Variants in LEF1 observed in about 807,000 individuals in gnomAD.
LEF1 encodes the protein lymphoid enhancer binding factor 1.
LEF1 carries 14 observed loss-of-function variants against 51.2 expected under a neutral mutation model. The observed-to-expected ratio is 0.27, with a 90% CI of 0.18 to 0.43. The LOEUF (loss-of-function observed/expected upper bound fraction) is 0.43, where lower values mean the gene tolerates loss of function less well. LEF1 is among the 20% of genes least tolerant of loss of function. The pLI is 1.00. For synonymous variants in LEF1, 185 were observed against 183.2 expected (o/e 1.01, Z -0.08); for missense variants, 386 against 512.0 (o/e 0.75, Z 2.37).
Position 108,064,350 on chromosome 4 carries a change from T to C in LEF1, c.1151A>G (p.Gln384Arg), listed in dbSNP as rs1737909236. 6.2e-7 allele frequency: 1 copy of C among 1,612,232 alleles called. No homozygotes were observed. The highest frequency in any genetic ancestry group is 1.3e-5 in the African/African-American group (1 of 75,024). The stretch of plus-strand genomic sequence containing the variant: ...ATGGTGCCTACCTGATGCAGATTCC[T>C]GTAGTTTCTCTCTCTTCCTCTTCTT... ...KKKKRKREKLQESASGTGPRM... is the reference protein window; with the variant it reads ...KKKKRKREKLRESASGTGPRM... The change falls in exon 10 of 12, where the codon CAG becomes CGG. Residue 384 changes from glutamine to arginine, a missense_variant. Coordinates refer to ENST00000265165, the MANE Select transcript of LEF1 (RefSeq NM_016269.5).
chr4:108,108,852 T>A (rs537483430), intron 3 of LEF1, among the ~76,000 whole-genome samples: 1 of 152,348 alleles, frequency 6.6e-6, no homozygotes, highest in South Asian at 2.1e-4. Context: ...TCTTACCCTC[T>A]TAATTACATT....
intron 3 of LEF1, among the ~76,000 whole-genome samples, chr4:108,134,732 C>T (rs945806186): frequency 3.3e-5 from 5 of 152,176 alleles, no homozygotes; most frequent in African/African-American, 9.7e-5. Flanking sequence ...GAGGTAACAT[C>T]GTTTTATACA....
intron 3 of LEF1, among the ~76,000 whole-genome samples, chr4:108,094,824 T>A (rs1740274492): frequency 6.6e-6 from 1 of 152,210 alleles, no homozygotes; most frequent in African/African-American, 2.4e-5. Context: ...CCTTGATTGT[T>A]ATGGTGGCAT....
chr4:108,097,371 G>A (rs1045829805), intron 3 of LEF1, among the ~76,000 whole-genome samples: 3 of 152,208 alleles, frequency 2.0e-5, no homozygotes, highest in Admixed American at 6.5e-5. Flanking sequence ...ACTCATTTGT[G>A]AGAGCTAAAA....
intron 3 of LEF1, among the ~76,000 whole-genome samples, chr4:108,161,100 C>T (rs1745026747): frequency 6.6e-6 from 1 of 152,126 alleles, no homozygotes; most frequent in African/African-American, 2.4e-5. Flanking sequence ...AACACTCAGC[C>T]CTGCTAAGGA....
chr4:108,104,594 C>T (rs1741035050), intron 3 of LEF1: 1 of 697,446 alleles, frequency 1.4e-6, no homozygotes, highest in East Asian at 1.3e-4. Context: ...TGCTATATAA[C>T]CAGTGTCCAA....
rs749582963 is a variant in LEF1, at chr4:108,163,659, T to C, written c.323A>G (p.Tyr108Cys). 1 of 1,613,834 alleles carries C rather than the reference T, an allele frequency of 6.2e-7. No homozygotes were observed. The highest frequency in any genetic ancestry group is 1.1e-5 in the South Asian group (1 of 91,054). ...DGGLYNKGPS[Y>C]SSYSGYIMMP... ...CATTATGTACCCGGAATAACTCGAG[T>C]AGGAGGGTCCCTTGTTGTAGAGGCC... Residue 108 changes from tyrosine (Y) to cysteine (C), a missense_variant, in exon 3 of 12, where the codon TAC becomes TGC. Transcript: ENST00000265165.
intron 3 of LEF1, among the ~76,000 whole-genome samples, chr4:108,103,197 C>T (rs913982758): frequency 1.3e-5 from 2 of 152,196 alleles, no homozygotes; most frequent in Non-Finnish European, 2.9e-5. Context: ...ACTATGGAAC[C>T]TTCGCCTTCC....
intron 3 of LEF1, among the ~76,000 whole-genome samples, chr4:108,143,534 T>C (rs1743802461): frequency 6.6e-6 from 1 of 152,208 alleles, no homozygotes; most frequent in Non-Finnish European, 1.5e-5. Flanking sequence ...CAAAAAAACA[T>C]TTCTTTTGTG....
intron 9 of LEF1, among the ~76,000 whole-genome samples, chr4:108,069,398 C>T (rs1376022559): frequency 6.6e-6 from 1 of 152,162 alleles, no homozygotes; most frequent in Non-Finnish European, 1.5e-5. Context: ...ATCAAGACTA[C>T]ATAAGTGAGA....
chr4:108,095,787 G>C (rs1200786051), intron 3 of LEF1, among the ~76,000 whole-genome samples: 1 of 152,168 alleles, frequency 6.6e-6, no homozygotes, highest in African/African-American at 2.4e-5. Context: ...TATCGAGAAG[G>C]AAACAAGGCT....
At chr4:108,104,662 A>G (rs1741042152) in intron 3 of LEF1, 1 of 983,842 alleles carries the variant, frequency 1.0e-6, no homozygotes. Flanking sequence ...CACCCAAACT[A>G]TCGTATGAAG....
intron 1 of LEF1, chr4:108,166,244 C>T (rs775226592): frequency 2.6e-6 from 4 of 1,534,762 alleles, no homozygotes; most frequent in East Asian, 4.9e-5. Flanking sequence ...TGAACGCAGG[C>T]CCCCAGCCTT....
chr4:108,163,237 A>G (rs1745171286), intron 3 of LEF1, among the ~76,000 whole-genome samples: 1 of 152,224 alleles, frequency 6.6e-6, no homozygotes, highest in African/African-American at 2.4e-5. Flanking sequence ...ACTTAGCTGA[A>G]AAAGTAAATC....
chr4:108,079,700 C>G, intron 6 of LEF1, 86 bp from the exon 7 acceptor site: 3 of 1,379,568 alleles, frequency 2.2e-6, no homozygotes, highest in Non-Finnish European at 3.1e-6. Context: ...CCACTAACTG[C>G]TACTGGCTAA....
intron 1 of LEF1, chr4:108,166,645 C>A: frequency 9.7e-7 from 1 of 1,033,220 alleles, no homozygotes; most frequent in Non-Finnish European, 1.2e-6. Flanking sequence ...TCTATTTACT[C>A]TACTCAGGTT....
At chr4:108,107,918 G>C (rs1462335700) in intron 3 of LEF1, among the ~76,000 whole-genome samples, 3 of 152,126 alleles carry the variant, frequency 2.0e-5, no homozygotes, top group African/African-American at 7.2e-5. Context: ...TGATCTTCTA[G>C]ATGCTTACAG....
chr4:108,100,172 T>C (rs1560789853), intron 3 of LEF1, among the ~76,000 whole-genome samples: 1 of 152,098 alleles, frequency 6.6e-6, no homozygotes, highest in Non-Finnish European at 1.5e-5. Context: ...TGGAATTGAG[T>C]CTGAAAACTT....
intron 3 of LEF1, among the ~76,000 whole-genome samples, chr4:108,133,077 G>A (rs759432943): frequency 3.3e-5 from 5 of 151,988 alleles, no homozygotes; most frequent in East Asian, 1.9e-4. Flanking sequence ...AGGTTCAAGC[G>A]CTTCTCCTGC....
Sources: gnomAD v4.1 joint callset for allele counts (sites outside exome capture counted in the v4.1 genomes callset) on GRCh38, gnomAD v4.1.1 for gene constraint, MANE v1.5 for transcripts, NCBI Gene and HGNC (gene_info 2026-07-23, HGNC 2026-07-21) for gene names.